Variants in TBX22 observed in about 807,000 individuals in gnomAD.
TBX22 encodes the protein T-box transcription factor TBX22.
In TBX22, 8 loss-of-function variants were observed where a neutral mutation model predicts 30.1. That is an observed-to-expected ratio of 0.27 (90% confidence interval 0.16 to 0.48). The LOEUF (loss-of-function observed/expected upper bound fraction) is 0.48. Ranked by LOEUF, TBX22 falls within the 20% of genes least tolerant of loss-of-function variation. The pLI, the probability that TBX22 is intolerant of heterozygous loss-of-function variation, is 0.99. For missense variants in TBX22, 463 were observed against 400.5 expected, an observed-to-expected ratio of 1.16 and a Z score of -1.33; for synonymous variants, 173 against 149.1, an observed-to-expected ratio of 1.16 and a Z score of -1.17.
chrX:80,022,027 TACAC>T lies in TBX22; in HGVS notation c.-2-203_-2-200del, dbSNP rs200577659. Among the ~76,000 whole-genome samples, 10,577 of 92,829 alleles carry T rather than the reference TACAC, an allele frequency of 0.11. 459 individuals are homozygous for T. Among genetic ancestry groups the T allele is most frequent in the Middle Eastern group, 0.13 (24 of 178 alleles). The allele number at this position is 92,829 out of a possible 115,157, so 80.6% of individuals were successfully genotyped here. A position where few individuals can be genotyped will look rare whatever the true frequency, so the allele number is the denominator to read the frequency against. ...AAAATATATATGTATATAAAAAAAT[TACAC>T]ACACACACACACACACACACACACA... On this transcript the variant is annotated intron_variant, in intron 1 of 8. Coordinates refer to ENST00000373296, the MANE Select transcript of TBX22 (RefSeq NM_001109878.2).
rs777832093 is a variant in TBX22 at position 80,022,425 on chromosome X, A to C, written c.156A>C (p.Ala52=). The change falls in exon 2 of 9, where the codon GCA becomes GCC. Residue 52 remains alanine (A), a synonymous_variant. Transcript: ENST00000373296. The part of the protein sequence containing the change: ...EEEEERRSSA[A]GKSEPLEKQP... ...AGGAGGAGAGAAGGAGCAGCGCTGC[A>C]GGGAAGAGCGAGCCGCTTGGTAAGT... 1.7e-6 allele frequency: 2 copies of C among 1,190,976 alleles called. No individual in the cohort carries two copies. Among genetic ancestry groups the C allele is most frequent in the Non-Finnish European group, 2.3e-6 (2 of 885,271 alleles).
At chrX:80,023,739 A>C (rs1487782222) in intron 3 of TBX22, among the ~76,000 whole-genome samples, 1 of 111,770 alleles carries the variant, frequency 8.9e-6, no homozygotes, top group Non-Finnish European at 1.9e-5. Context: ...GCCTCACAGA[A>C]AGTACCCTTG....
rs546715665 is a variant in TBX22, at chrX:80,028,835, A to G, written c.949+759A>G. 2.2e-4 allele frequency among the ~76,000 whole-genome samples: 25 copies of G among 111,719 alleles called. No homozygotes were observed. In the East Asian group the frequency reaches 3.7e-3, roughly 16 times the overall value. On this transcript the variant is annotated intron_variant, in intron 8 of 8. Transcript: ENST00000373296. ...ACAATTGCCAAGCAAAACCAACATT[A>G]TAGTTAGGTTGAGTTTTACATGATG...
Position 80,030,644 on chromosome X carries a change from A to G in TBX22, c.1096A>G (p.Asn366Asp). 8.3e-7 allele frequency: 1 copy of G among 1,211,627 alleles called. No individual in the cohort carries two copies. The highest frequency in any genetic ancestry group is 1.1e-6 in the Non-Finnish European group (1 of 895,454). Reference protein sequence around the residue: ...GMPCPEAYLPNVNLPLCYKIC... With the variant: ...GMPCPEAYLPDVNLPLCYKIC... Reference sequence around the variant, plus strand: ...GCCCTGTCCAGAGGCATACCTGCCCAATGTCAACCTGCCTCTATGCTACAA... The same window carrying G: ...GCCCTGTCCAGAGGCATACCTGCCCGATGTCAACCTGCCTCTATGCTACAA... Residue 366 changes from asparagine to aspartate, a missense_variant, in exon 9 of 9, where the codon AAT becomes GAT. Transcript: ENST00000373296.
At chrX:80,020,711 A>C (rs1358694327) in intron 1 of TBX22, among the ~76,000 whole-genome samples, 1 of 111,708 alleles carries the variant, frequency 9.0e-6, no homozygotes, top group Non-Finnish European at 1.9e-5. Flanking sequence ...TACCACTGCC[A>C]TCACAGTGGC....
chrX:80,028,088 T>G lies in TBX22; in HGVS notation c.949+12T>G, dbSNP rs151121450. On this transcript the variant is annotated intron_variant, in intron 8 of 8. Coordinates refer to ENST00000373296, the MANE Select transcript of TBX22 (RefSeq NM_001109878.2). The stretch of plus-strand genomic sequence containing the variant: ...CGCAGACACACAAAGTAAGAAAACT[T>G]GGAACGTTTGTTTTATTTTTACATA... 3.2e-3 allele frequency: 3,778 copies of G among 1,189,492 alleles called. 83 individuals carry two copies. The African/African-American group carries it at 0.059, about 19-fold the overall frequency.
intron 1 of TBX22, among the ~76,000 whole-genome samples, chrX:80,020,314 T>TAGATAGATAGATAGAG (rs1923628528): frequency 9.0e-6 from 1 of 110,534 alleles, no homozygotes; most frequent in Non-Finnish European, 1.9e-5. Flanking sequence ...GATAGATAGA[T>TAGATAGATAGATAGAG]AGATGATACA....
chrX:80,027,928 C>A, intron 7 of TBX22, 63 bp from the exon 8 acceptor site: 1 of 871,859 alleles, frequency 1.1e-6, no homozygotes, highest in Non-Finnish European at 1.7e-6. Flanking sequence ...AGCAAAATAA[C>A]TCAAAATCAT....
In TBX22 at chrX:80,031,077, T is replaced by C. The variant is rs1405877376; in HGVS notation, c.1529T>C (p.Val510Ala). The change falls in exon 9 of 9, where the codon GTT becomes GCT. Residue 510 changes from valine to alanine, a missense_variant. Transcript: ENST00000373296. ...TTTGGAGAAGGCAAATGTAATCATGTTCATTGGTATCCAGCAATTAACCAT... is the reference window on the plus strand; with the variant it reads ...TTTGGAGAAGGCAAATGTAATCATGCTCATTGGTATCCAGCAATTAACCAT... ...VSFGEGKCNH[V>A]HWYPAINHYL The C allele has an allele frequency of 1.7e-6, 2 of 1,209,323 alleles. No homozygotes were observed. The highest frequency in any genetic ancestry group is 3.5e-5 in the African/African-American group (2 of 57,491).
chrX:80,027,301 A>T lies in TBX22; in HGVS notation c.844A>T (p.Arg282Ter). ...IERNPFAKGF[R>*]DTGRNRGVLD... ...AAGAAATCCTTTTGCTAAAGGATTT[A>T]GAGATACTGGAAGAAACAGGTAAGC... The change falls in exon 7 of 9, where the codon AGA (arginine) becomes TGA (stop). Residue 282 changes from arginine (R) to a stop codon, truncating the protein, a stop_gained. Coordinates refer to ENST00000373296, the MANE Select transcript of TBX22 (RefSeq NM_001109878.2). LOFTEE classifies it high-confidence loss of function. 1 of 1,100,436 alleles carries T rather than the reference A, an allele frequency of 9.1e-7. No individual in the cohort carries two copies. The highest frequency in any genetic ancestry group is 1.3e-6 in the Non-Finnish European group (1 of 795,240). 90.7% of individuals were successfully genotyped at this position (1,100,436 alleles called of 1,213,427 possible).
rs1030946293 is a variant in TBX22 at position 80,030,585 on chromosome X, C to G, written c.1037C>G (p.Pro346Arg). 1 of 1,211,678 alleles carries G rather than the reference C, an allele frequency of 8.3e-7. No homozygotes were observed. Among genetic ancestry groups the G allele is most frequent in the Admixed American group, 2.2e-5 (1 of 46,032 alleles). The change falls in exon 9 of 9, where the codon CCT (proline) becomes CGT (arginine). Residue 346 changes from proline (P) to arginine (R), a missense_variant. Pro to Arg is a moderately radical substitution (Grantham distance 103). Transcript: ENST00000373296. ...NSLLSPLCFS[P>R]MFHLPTSSLG... The stretch of plus-strand genomic sequence containing the variant: ...TTACTTTCTCCACTTTGCTTTTCAC[C>G]TATGTTTCATTTACCTACAAGCTCC...
chrX:80,019,700 G>A (rs1008470944), intron 1 of TBX22, among the ~76,000 whole-genome samples: 3 of 111,306 alleles, frequency 2.7e-5, no homozygotes, highest in African/African-American at 9.8e-5. Flanking sequence ...CTAGTTATGA[G>A]ATAATGCAAT....
At position 80,027,993 on chromosome X, in the gene TBX22, G is replaced by GT; in HGVS notation, c.867dup (p.Val290CysfsTer20). 8.3e-7 allele frequency: 1 copy of GT among 1,202,713 alleles called. No individual in the cohort carries two copies. The highest frequency in any genetic ancestry group is 1.1e-6 in the Non-Finnish European group (1 of 887,473). ...TGAAAGTTGACTCTCTTTTTTAGGG[G>GT]TGTATTGGATGGGCTTTTAGAGACC... On this transcript the variant is annotated frameshift_variant, in exon 8 of 9. Coordinates refer to ENST00000373296, the MANE Select transcript of TBX22 (RefSeq NM_001109878.2). LOFTEE classifies it high-confidence loss of function.
At chrX:80,023,405 G>A in intron 3 of TBX22, 165 bp downstream of exon 3, 2 of 507,163 alleles carry the variant, frequency 3.9e-6, no homozygotes, top group Non-Finnish European at 6.6e-6. Context: ...AATTGATAGG[G>A]CTCGGACTTA....
intron 3 of TBX22, among the ~76,000 whole-genome samples, chrX:80,023,600 C>A (rs1923827003): frequency 9.0e-6 from 1 of 111,519 alleles, no homozygotes; most frequent in Admixed American, 9.5e-5. Flanking sequence ...CAGTTCCTCG[C>A]GCCCGCTAGA....
At chrX:80,020,281 G>GATT (rs1188038385) in intron 1 of TBX22, among the ~76,000 whole-genome samples, 3,567 of 68,979 alleles carry the variant, frequency 0.052, 142 homozygotes, top group Admixed American at 0.17. Flanking sequence ...TAGATAGATA[G>GATT]AGATAGATTA....
At chrX:80,024,894 G>A (rs772461122) in intron 4 of TBX22, among the ~76,000 whole-genome samples, 1 of 110,873 alleles carries the variant, frequency 9.0e-6, no homozygotes, top group Non-Finnish European at 1.9e-5. Flanking sequence ...GGGTTGGGGA[G>A]GTGACAGCTG....
chrX:80,031,195 G>A lies in TBX22; in HGVS notation c.*84G>A, dbSNP rs1481376528. 1.1e-6 allele frequency: 1 copy of A among 908,744 alleles called. No homozygotes were observed. The highest frequency in any genetic ancestry group is 1.5e-6 in the Non-Finnish European group (1 of 650,837). The allele number at this position is 908,744 out of a possible 1,213,427, so 74.9% of individuals were successfully genotyped here. A position where few individuals can be genotyped will look rare whatever the true frequency, so the allele number is the denominator to read the frequency against. On this transcript the variant is annotated 3_prime_UTR_variant, in exon 9 of 9. Coordinates refer to ENST00000373296, the MANE Select transcript of TBX22 (RefSeq NM_001109878.2). ...CCAAAGAAATTTCAACAGTTATTGG[G>A]CTTAAAAAGCATCATTACAATACAG... is the stretch of plus-strand genomic sequence containing the variant.
rs754825508 is a variant in TBX22 at position 80,031,143 on chromosome X, G to A, written c.*32G>A. ...AATAGCATTTCTAGAACAATTACAT[G>A]TAAACAAATATTTTCTTTATTTGTA... On this transcript the variant is annotated 3_prime_UTR_variant, in exon 9 of 9. Coordinates refer to ENST00000373296, the MANE Select transcript of TBX22 (RefSeq NM_001109878.2). 10 of 1,178,234 alleles carry A rather than the reference G, an allele frequency of 8.5e-6. No individual in the cohort carries two copies. The highest frequency in any genetic ancestry group is 1.1e-5 in the Non-Finnish European group (10 of 871,766).
Sources: allele counts gnomAD v4.1 joint callset (sites outside exome capture counted in the v4.1 genomes callset), GRCh38; gene constraint gnomAD v4.1.1; transcripts MANE v1.5; gene names NCBI Gene and HGNC (gene_info 2026-07-23, HGNC 2026-07-21).